The following LIPI variants were observed in gnomAD, a reference collection of about 807,000 sequenced individuals.
The protein encoded by LIPI is lipase member I.
Under a neutral mutation model 50.6 loss-of-function variants are expected in LIPI, and 59 were observed. The observed-to-expected ratio is 1.16, with a 90% CI of 0.94 to 1.45. The LOEUF is 1.45. LIPI is among the 40% of genes most tolerant of loss of function. LIPI has a pLI of 0.00. For synonymous variants in LIPI, 203 were observed against 178.2 expected, an observed-to-expected ratio of 1.14 and a Z score of -1.11; for missense variants, 586 against 536.3, an observed-to-expected ratio of 1.09 and a Z score of -0.92.
intron 1 of LIPI, 73 bp downstream of exon 1, chr21:14,210,727 A>G: frequency 2.0e-6 from 1 of 491,052 alleles, no homozygotes; most frequent in Non-Finnish European, 3.0e-6. Flanking sequence ...AACATTCTTT[A>G]TCCCAGAATA....
intron 9 of LIPI, among the ~76,000 whole-genome samples, chr21:14,134,207 G>A (rs1326207006): frequency 2.0e-5 from 3 of 152,106 alleles, no homozygotes; most frequent in Non-Finnish European, 4.4e-5. Flanking sequence ...CTTCAGCCTG[G>A]ATGATAGAAT....
intron 8 of LIPI, among the ~76,000 whole-genome samples, chr21:14,151,905 T>C (rs895938264): frequency 6.6e-6 from 1 of 151,962 alleles, no homozygotes; most frequent in Non-Finnish European, 1.5e-5. Flanking sequence ...AATAGTTCTC[T>C]GAAACACTAA....
intron 9 of LIPI, among the ~76,000 whole-genome samples, chr21:14,127,264 T>C (rs978861761): frequency 6.6e-6 from 1 of 152,230 alleles, no homozygotes; most frequent in African/African-American, 2.4e-5. Context: ...ATCTCACTAA[T>C]TGCACATTAT....
intron 4 of LIPI, among the ~76,000 whole-genome samples, chr21:14,169,734 A>T (rs560994443): frequency 0.026 from 3,987 of 152,332 alleles, 64 homozygotes; most frequent in Admixed American, 0.032. Context: ...GGAAATTTGT[A>T]GCACTAAATG....
chr21:14,193,956 C>T lies in LIPI; in HGVS notation c.47-4537G>A, dbSNP rs1215012252. On this transcript the variant is annotated intron_variant, in intron 1 of 9. Transcript: ENST00000681601. Reference sequence around the variant, plus strand: ...TATCACTCAACAACAAAAACACAAACAACCCAATTAAAACTGGGCAAAGAC... The same window carrying T: ...TATCACTCAACAACAAAAACACAAATAACCCAATTAAAACTGGGCAAAGAC... 2.0e-5 allele frequency among the ~76,000 whole-genome samples: 3 copies of T among 151,988 alleles called. No homozygotes were observed. The South Asian group carries it at 6.2e-4, about 31-fold the overall frequency.
Position 14,165,269 on chromosome 21 carries a change from T to A in LIPI, c.855A>T (p.Leu285Phe). 1.2e-6 allele frequency: 2 copies of A among 1,613,084 alleles called. No individual in the cohort carries two copies. Among genetic ancestry groups the A allele is most frequent in the Non-Finnish European group, 1.7e-6 (2 of 1,179,254 alleles). The change falls in exon 6 of 10, where the codon TTA becomes TTT. Residue 285 changes from leucine to phenylalanine, a missense_variant. Leu to Phe is a conservative substitution (Grantham distance 22, BLOSUM62 0). Transcript: ENST00000681601. ...CRSYKDYKTS[L>F]CVDCDCFKEK... is the part of the protein sequence containing the mutation. Reference sequence around the variant, plus strand: ...CCTTAAAACAGTCACAGTCCACACATAAGCTAGTCTTGTAATCTTTGTATG... The same window carrying A: ...CCTTAAAACAGTCACAGTCCACACAAAAGCTAGTCTTGTAATCTTTGTATG...
At chr21:14,163,635 A>G (rs966970875) in intron 6 of LIPI, 112 bp from the exon 7 acceptor site, 2 of 667,772 alleles carry the variant, frequency 3.0e-6, no homozygotes, top group East Asian at 2.6e-5. Context: ...AATGATCATC[A>G]TGGATTTTGA....
intron 4 of LIPI, among the ~76,000 whole-genome samples, chr21:14,171,080 CAG>C (rs2018884972): frequency 2.7e-5 from 4 of 148,796 alleles, no homozygotes; most frequent in Admixed American, 2.7e-4. Flanking sequence ...AACAGACAAA[CAG>C]AGAGCCAAAT....
chr21:14,166,676 T>C (rs2018697766), intron 4 of LIPI, among the ~76,000 whole-genome samples: 2 of 152,204 alleles, frequency 1.3e-5, no homozygotes, highest in Admixed American at 6.5e-5. Flanking sequence ...TATCGGTCAG[T>C]CACAGTTTTT....
In LIPI at chr21:14,169,184, C is replaced by A. The variant is rs201728055; in HGVS notation, c.644-2733G>T. Among the ~76,000 whole-genome samples, 7 of 152,172 alleles carry A rather than the reference C, an allele frequency of 4.6e-5. No individual in the cohort carries two copies. In the East Asian group the frequency reaches 1.2e-3, roughly 25 times the overall value. On this transcript the variant is annotated intron_variant, in intron 4 of 9. Transcript: ENST00000681601. ...CTAACTATCCTAAATGTATATGCAC[C>A]CAATACAGGAGCATCCAGATTCATA...
intron 7 of LIPI, among the ~76,000 whole-genome samples, chr21:14,154,613 A>C (rs2018212593): frequency 1.3e-5 from 2 of 152,078 alleles, no homozygotes; most frequent in African/African-American, 4.8e-5. Context: ...AATATTGAAG[A>C]TAGAAAAGAA....
chr21:14,169,801 G>T (rs976614787), intron 4 of LIPI, among the ~76,000 whole-genome samples: 1 of 152,100 alleles, frequency 6.6e-6, no homozygotes, highest in Admixed American at 6.5e-5. Context: ...ACAATTAAAA[G>T]AACTAGAAAA....
intron 9 of LIPI, among the ~76,000 whole-genome samples, chr21:14,141,882 C>A (rs1163807752): frequency 4.6e-5 from 7 of 152,166 alleles, no homozygotes; most frequent in Admixed American, 4.6e-4. Context: ...AGGAAATTCT[C>A]TTGTATTTAT....
In LIPI at chr21:14,155,599, G is replaced by A. The variant is rs114787603; in HGVS notation, c.1007-2915C>T. On this transcript the variant is annotated intron_variant, in intron 7 of 9. Coordinates refer to ENST00000681601, the MANE Select transcript of LIPI (RefSeq NM_001302998.2). The stretch of plus-strand genomic sequence containing the variant: ...AGAAAGAAATGATGCATTACCTACA[G>A]GAGAACACCAGTTTGAATCATAATG... 8.8e-3 allele frequency among the ~76,000 whole-genome samples: 1,337 copies of A among 152,094 alleles called. 23 individuals carry two copies. The highest frequency in any genetic ancestry group is 0.031 in the African/African-American group (1,274 of 41,542).
At chr21:14,161,622 A>AATATATTAATATATAATATATACATT (rs2018476540) in intron 7 of LIPI, among the ~76,000 whole-genome samples, 1 of 95,562 alleles carries the variant, frequency 1.0e-5, no homozygotes, top group Non-Finnish European at 1.8e-5. Context: ...ATACATATAT[A>AATATATTAATATATAATATATACATT]ATATATTAAT....
intron 8 of LIPI, 52 bp from the exon 9 acceptor site, chr21:14,144,851 C>A: frequency 7.8e-7 from 1 of 1,283,104 alleles, no homozygotes; most frequent in East Asian, 2.3e-5. Context: ...AAACATAACT[C>A]AATTCTAAAA....
chr21:14,156,116 G>A (rs1017176194), intron 7 of LIPI, among the ~76,000 whole-genome samples: 1 of 151,964 alleles, frequency 6.6e-6, no homozygotes, highest in East Asian at 1.9e-4. Context: ...TATGCATATT[G>A]TAATTGTTGT....
chr21:14,178,985 A>T (rs1199099243), intron 4 of LIPI, among the ~76,000 whole-genome samples: 1 of 152,148 alleles, frequency 6.6e-6, no homozygotes, highest in Non-Finnish European at 1.5e-5. Flanking sequence ...CTTTCTGCAG[A>T]CCATAAGAAG....
intron 7 of LIPI, among the ~76,000 whole-genome samples, chr21:14,155,631 A>G (rs966203844): frequency 6.6e-6 from 1 of 152,076 alleles, no homozygotes; most frequent in African/African-American, 2.4e-5. Flanking sequence ...AATGGATTTC[A>G]CATCTGAAAG....
Sources: allele counts gnomAD v4.1 joint callset (sites outside exome capture counted in the v4.1 genomes callset), GRCh38; gene constraint gnomAD v4.1.1; transcripts MANE v1.5; gene names NCBI Gene and HGNC (gene_info 2026-07-23, HGNC 2026-07-21).